Variants in TBC1D20 observed in about 807,000 individuals in gnomAD.
TBC1D20 encodes the protein TBC1 domain family member 20.
Under a neutral mutation model 41.6 loss-of-function variants are expected in TBC1D20, and 12 were observed. The ratio of observed to expected loss-of-function variants is 0.29; its 90% confidence interval spans 0.18 to 0.47. The LOEUF (loss-of-function observed/expected upper bound fraction) is 0.47, where lower values mean the gene tolerates loss of function less well. TBC1D20 is among the 20% of genes least tolerant of loss of function. The probability of loss-of-function intolerance (pLI) is 1.00; values close to 1 mark genes in which losing one functional copy is unlikely to be tolerated. For missense variants in TBC1D20, 421 were observed against 517.4 expected (o/e 0.81, Z 1.81); for synonymous variants, 205 against 204.8 (o/e 1.00, Z -0.01).
rs41306794 is a variant in TBC1D20, at chr20:438,318, C to T, written c.*268G>A. The T allele has an allele frequency of 3.3e-3, 1,551 of 475,594 alleles. 4 individuals carry two copies. The highest frequency in any genetic ancestry group is 5.0e-3 in the Non-Finnish European group (1,348 of 267,302). The allele number at this position is 475,594 out of a possible 1,614,324, so 29.5% of individuals were successfully genotyped here. A position where few individuals can be genotyped will look rare whatever the true frequency, so the allele number is the denominator to read the frequency against. ...GCAAGCTTCAGAAACCCACTTCCTC[C>T]AACACCAGGGAGGTGGCAGAGAGCC... On this transcript the variant is annotated 3_prime_UTR_variant, in exon 8 of 8. Coordinates refer to ENST00000354200, the MANE Select transcript of TBC1D20 (RefSeq NM_144628.4).
chr20:458,206 A>T (rs73074748), intron 1 of TBC1D20, among the ~76,000 whole-genome samples: 5,220 of 152,282 alleles, frequency 0.034, 112 homozygotes, highest in South Asian at 0.069. Context: ...CAGTCAACTG[A>T]ATTTCCATGA....
chr20:441,863 T>G lies in TBC1D20; in HGVS notation c.518A>C (p.His173Pro), dbSNP rs747984302. 5.0e-6 allele frequency: 8 copies of G among 1,613,406 alleles called. No homozygotes were observed. Among genetic ancestry groups the G allele is most frequent in the Non-Finnish European group, 6.8e-6 (8 of 1,179,634 alleles). The change falls in exon 4 of 8, where the codon CAC becomes CCC. Residue 173 changes from histidine to proline, a missense_variant. By Grantham distance (77) the His-to-Pro change is moderately conservative (BLOSUM62 -2). Around this residue, in one of 3 missense-constraint regions of TBC1D20, gnomAD observed 110 missense variants for 183.5 expected, o/e 0.60. Transcript: ENST00000354200. ...TGTTCCTCTCTACTGGTACCTGAGGTGGTGGGTAGATAATTTTTCTACCAG... is the reference window on the plus strand; with the variant it reads ...TGTTCCTCTCTACTGGTACCTGAGGGGGTGGGTAGATAATTTTTCTACCAG... Reference protein sequence around the residue: ...TSLVEKLSTHHLRDFMDPTMD... With the variant: ...TSLVEKLSTHPLRDFMDPTMD...
chr20:440,112 TG>T (rs2017198907), intron 6 of TBC1D20, 135 bp downstream of exon 6: 1 of 1,134,190 alleles, frequency 8.8e-7, no homozygotes, highest in Non-Finnish European at 1.2e-6. Flanking sequence ...CTGCACAGAA[TG>T]GTGTCCAGGG....
chr20:450,118 A>G (rs2017417658), intron 1 of TBC1D20, among the ~76,000 whole-genome samples: 1 of 152,016 alleles, frequency 6.6e-6, no homozygotes, highest in South Asian at 2.1e-4. Flanking sequence ...GTTACACGCT[A>G]CTACAACTGG....
intron 1 of TBC1D20, among the ~76,000 whole-genome samples, chr20:449,553 G>A (rs1342312096): frequency 1.3e-5 from 2 of 151,228 alleles, no homozygotes; most frequent in Admixed American, 6.6e-5. Context: ...CCAAGATCGT[G>A]CCACTGCACT....
chr20:440,634 C>A (rs1025663449), intron 5 of TBC1D20: 1 of 425,328 alleles, frequency 2.4e-6, no homozygotes, highest in Non-Finnish European at 4.2e-6. Flanking sequence ...TACTGGCCAA[C>A]AAATGTCAAC....
intron 1 of TBC1D20, among the ~76,000 whole-genome samples, chr20:458,093 C>T (rs1007303275): frequency 4.6e-5 from 7 of 152,042 alleles, no homozygotes; most frequent in African/African-American, 1.7e-4. Flanking sequence ...AATTTTTCTT[C>T]AGTTTGTTTA....
rs1323688767 is a variant in TBC1D20, at chr20:437,612, G to C, written c.*974C>G. ...GTGAGTGGGTGCCTATTTGGGAGTAGGATGATTTGAGGAAAACAGGAAGAA... is the reference window on the plus strand; with the variant it reads ...GTGAGTGGGTGCCTATTTGGGAGTACGATGATTTGAGGAAAACAGGAAGAA... On this transcript the variant is annotated 3_prime_UTR_variant, in exon 8 of 8. Transcript: ENST00000354200. The C allele has an allele frequency of 1.3e-5, 2 of 152,672 alleles. No homozygotes were observed. The highest frequency in any genetic ancestry group is 2.9e-5 in the Non-Finnish European group (2 of 68,038). The allele number at this position is 152,672 out of a possible 1,614,324, so 9.5% of individuals were successfully genotyped here.
At chr20:460,084 C>T (rs556421694) in intron 1 of TBC1D20, among the ~76,000 whole-genome samples, 7 of 152,136 alleles carry the variant, frequency 4.6e-5, no homozygotes, top group African/African-American at 1.7e-4. Flanking sequence ...AATGGAATCT[C>T]GTGTGAGCGT....
At chr20:462,069 A>G (rs1482945771) in intron 1 of TBC1D20, among the ~76,000 whole-genome samples, 3 of 152,172 alleles carry the variant, frequency 2.0e-5, no homozygotes, top group Middle Eastern at 3.2e-3. Flanking sequence ...CGGGGCGCGA[A>G]GCCGCCGCCC....
chr20:440,125 C>T (rs930945413), intron 6 of TBC1D20, 123 bp downstream of exon 6: 2 of 1,297,074 alleles, frequency 1.5e-6, no homozygotes, highest in African/African-American at 1.5e-5. Context: ...TGTCCAGGGA[C>T]ACCAGCCTGG....
At chr20:447,295 A>G (rs1391557639) in intron 2 of TBC1D20, among the ~76,000 whole-genome samples, 1 of 151,962 alleles carries the variant, frequency 6.6e-6, no homozygotes, top group East Asian at 1.9e-4. Context: ...TTGCCAAGCA[A>G]GTATGCAGAA....
Position 446,003 on chromosome 20 carries a change from C to T in TBC1D20, c.257-873G>A, listed in dbSNP as rs561781504. ...GATAATAACAAGTGGCAACTCAACA[C>T]CTACTGGGTGACATCATGACGCTGT... On this transcript the variant is annotated intron_variant, in intron 2 of 7. Transcript: ENST00000354200. Among the ~76,000 whole-genome samples, 292 of 152,376 alleles carry T rather than the reference C, an allele frequency of 1.9e-3. 1 individual carries two copies. The highest frequency in any genetic ancestry group is 3.6e-3 in the Non-Finnish European group (246 of 68,042).
rs774047097 is a variant in TBC1D20, at chr20:441,583, T to C, written c.626+5A>G. The C allele has an allele frequency of 2.0e-5, 32 of 1,612,854 alleles. No individual in the cohort carries two copies. In the Middle Eastern group the frequency reaches 4.9e-4, roughly 25 times the overall value. On this transcript the variant is annotated splice_donor_5th_base_variant and intron_variant, in intron 5 of 7. Coordinates refer to ENST00000354200, the MANE Select transcript of TBC1D20 (RefSeq NM_144628.4). ...ATGCACACAGAAATGCAGACACATA[T>C]GTACCTCTGCATGAAGTCATGGAGC...
chr20:441,546 G>T, intron 5 of TBC1D20, 42 bp downstream of exon 5: 1 of 1,496,846 alleles, frequency 6.7e-7, no homozygotes, highest in Non-Finnish European at 9.3e-7. Context: ...GGGGGTGTGG[G>T]CGTGTGTATG....
intron 2 of TBC1D20, 54 bp from the exon 3 acceptor site, chr20:445,184 A>G (rs2122394943): frequency 7.2e-7 from 1 of 1,388,708 alleles, no homozygotes. Flanking sequence ...CCAGACCAGA[A>G]GCAAAACATT....
chr20:439,305 G>A lies in TBC1D20; in HGVS notation c.769-10C>T. 6.3e-7 allele frequency: 1 copy of A among 1,597,676 alleles called. No homozygotes were observed. Among genetic ancestry groups the A allele is most frequent in the Non-Finnish European group, 8.5e-7 (1 of 1,171,498 alleles). On this transcript the variant is annotated splice_polypyrimidine_tract_variant and intron_variant, in intron 6 of 7. Transcript: ENST00000354200. This position sits in a 1 kb window ranked among gnomAD's most constrained non-coding sequence, Gnocchi z 4.6. ...CGCGATACAACACAATCTGTGGGGA[G>A]GTAGTAAAGCCTTGCAGTCAGAGGC...
chr20:441,742 C>T, intron 4 of TBC1D20, 53 bp from the exon 5 acceptor site: 1 of 1,601,376 alleles, frequency 6.2e-7, no homozygotes, highest in Non-Finnish European at 8.6e-7. Context: ...GATCAGGGCT[C>T]AGGGTGGCGA....
intron 1 of TBC1D20, 39 bp from the exon 2 acceptor site, chr20:448,113 G>C: frequency 6.7e-7 from 1 of 1,496,572 alleles, no homozygotes; most frequent in Non-Finnish European, 9.3e-7. Flanking sequence ...CGCACATTCA[G>C]CACGTGCATA....
Sources: allele counts gnomAD v4.1 joint callset (sites outside exome capture counted in the v4.1 genomes callset), GRCh38; gene constraint gnomAD v4.1.1; regional missense constraint gnomAD v4.1.1; non-coding constraint Gnocchi (gnomAD v3.1); transcripts MANE v1.5; gene names NCBI Gene and HGNC (gene_info 2026-07-23, HGNC 2026-07-21).